ATP8B4: variants seen among roughly 807,000 people sequenced by gnomAD.
The protein encoded by ATP8B4 is ATPase phospholipid transporting 8B4 (putative).
A neutral mutation model predicts 145.6 loss-of-function variants in ATP8B4; 133 were observed. The ratio of observed to expected loss-of-function variants is 0.91; its 90% CI spans 0.79 to 1.05. The LOEUF is 1.05. Ranked by LOEUF, ATP8B4 falls within the 50% of genes least tolerant of loss-of-function variation. The pLI, the probability that ATP8B4 is intolerant of heterozygous loss-of-function variation, is 0.00. For missense variants in ATP8B4, 1,458 were observed against 1,425.2 expected, an observed-to-expected ratio of 1.02 and a Z score of -0.37; for synonymous variants, 507 against 492.9, an observed-to-expected ratio of 1.03 and a Z score of -0.38.
intron 9 of ATP8B4, among the ~76,000 whole-genome samples, chr15:49,988,700 G>A (rs545504870): frequency 3.1e-4 from 47 of 152,236 alleles, no homozygotes; most frequent in African/African-American, 1.1e-3. Flanking sequence ...AGGGGACCAC[G>A]TCAGCCTAGA....
chr15:50,036,649 C>G (rs1401415339), intron 6 of ATP8B4, among the ~76,000 whole-genome samples: 1 of 152,186 alleles, frequency 6.6e-6, no homozygotes, highest in African/African-American at 2.4e-5. Context: ...ACAAGCCCGT[C>G]TTGTAGGTTG....
chr15:50,149,485 C>G (rs1374866353), intron 1 of ATP8B4, among the ~76,000 whole-genome samples: 3 of 152,146 alleles, frequency 2.0e-5, no homozygotes, highest in Non-Finnish European at 4.4e-5. Flanking sequence ...TGAAGCAGAT[C>G]TCTTTGATCA....
chr15:50,032,403 A>G (rs1343506728), intron 6 of ATP8B4, among the ~76,000 whole-genome samples: 1 of 152,148 alleles, frequency 6.6e-6, no homozygotes, highest in Non-Finnish European at 1.5e-5. Context: ...CATGGTGTAT[A>G]TGTGCCATAT....
chr15:49,879,336 A>G, intron 24 of ATP8B4, 40 bp downstream of exon 24: 2 of 1,545,662 alleles, frequency 1.3e-6, no homozygotes, highest in Non-Finnish European at 1.8e-6. Context: ...TAAAAGGCAT[A>G]AAAGAGAAAC....
chr15:50,023,864 A>G (rs2049803035), intron 6 of ATP8B4, among the ~76,000 whole-genome samples: 1 of 151,888 alleles, frequency 6.6e-6, no homozygotes, highest in Admixed American at 6.6e-5. Flanking sequence ...GAGAAAGACT[A>G]ATAAAGAAAA....
chr15:49,931,025 C>A, intron 16 of ATP8B4, 94 bp downstream of exon 16: 2 of 1,346,522 alleles, frequency 1.5e-6, no homozygotes, highest in Non-Finnish European at 2.0e-6. Context: ...ACTATCACAA[C>A]CCTCAGCACA....
intron 23 of ATP8B4, among the ~76,000 whole-genome samples, chr15:49,882,681 C>T (rs144989623): frequency 4.7e-4 from 71 of 152,212 alleles, no homozygotes; most frequent in African/African-American, 1.7e-3. Context: ...AAATCTATTC[C>T]TATGTTGTTT....
chr15:50,076,981 G>A (rs144001869), intron 2 of ATP8B4, among the ~76,000 whole-genome samples: 69 of 152,258 alleles, frequency 4.5e-4, no homozygotes, highest in Middle Eastern at 3.4e-3. Context: ...AAAAAAGGAC[G>A]CTGAAAACAA....
At chr15:50,152,470 G>T (rs1315610693) in intron 1 of ATP8B4, among the ~76,000 whole-genome samples, 1 of 151,970 alleles carries the variant, frequency 6.6e-6, no homozygotes, top group Non-Finnish European at 1.5e-5. Flanking sequence ...ATCACTTATT[G>T]TTTGACAATA....
chr15:49,965,783 C>CT (rs796623482), intron 13 of ATP8B4, among the ~76,000 whole-genome samples: 50 of 152,214 alleles, frequency 3.3e-4, no homozygotes, highest in African/African-American at 1.2e-3. Context: ...GGATATGGTT[C>CT]TATTCAGCAC....
At chr15:50,094,483 T>G (rs1315150247) in intron 2 of ATP8B4, among the ~76,000 whole-genome samples, 1 of 151,612 alleles carries the variant, frequency 6.6e-6, no homozygotes, top group Non-Finnish European at 1.5e-5. Context: ...ATAATATAAA[T>G]GAATATATAT....
chr15:49,950,715 TGTTA>T (rs2043028322), intron 14 of ATP8B4, among the ~76,000 whole-genome samples: 1 of 152,080 alleles, frequency 6.6e-6, no homozygotes, highest in East Asian at 1.9e-4. Context: ...TCTTCCATGC[TGTTA>T]GTTATTTCTT....
At chr15:50,105,930 GA>G (rs56672461) in intron 2 of ATP8B4, among the ~76,000 whole-genome samples, 152,149 of 152,150 alleles carry the variant, frequency 1, 76,074 homozygotes, top group Non-Finnish European at 1. Context: ...CATTTTACAG[GA>G]AAAAAAATGG....
At chr15:50,115,709 A>T (rs2057141880) in intron 1 of ATP8B4, among the ~76,000 whole-genome samples, 1 of 152,100 alleles carries the variant, frequency 6.6e-6, no homozygotes. Flanking sequence ...GATCATCTTC[A>T]TCATTGTCCT....
chr15:50,104,068 T>C (rs1428723627), intron 2 of ATP8B4, among the ~76,000 whole-genome samples: 1 of 152,142 alleles, frequency 6.6e-6, no homozygotes, highest in Non-Finnish European at 1.5e-5. Context: ...TCTCACCTTA[T>C]ACAAAAATCA....
At chr15:49,928,094 T>C (rs528216000) in intron 16 of ATP8B4, among the ~76,000 whole-genome samples, 1 of 152,304 alleles carries the variant, frequency 6.6e-6, no homozygotes, top group South Asian at 2.1e-4. Flanking sequence ...ACTTATCATG[T>C]GCCAAGCTCT....
chr15:50,061,247 TG>T (rs1323806202), intron 3 of ATP8B4, among the ~76,000 whole-genome samples: 1 of 152,030 alleles, frequency 6.6e-6, no homozygotes, highest in Non-Finnish European at 1.5e-5. Flanking sequence ...ATTTAAGCTC[TG>T]GCAAATAAAA....
At chr15:50,026,175 T>C (rs1049522964) in intron 6 of ATP8B4, among the ~76,000 whole-genome samples, 1 of 152,212 alleles carries the variant, frequency 6.6e-6, no homozygotes, top group African/African-American at 2.4e-5. Context: ...CAATATTCCA[T>C]TTGCTGTTAA....
intron 6 of ATP8B4, among the ~76,000 whole-genome samples, chr15:50,036,487 C>A (rs2050844659): frequency 6.6e-6 from 1 of 152,194 alleles, no homozygotes; most frequent in African/African-American, 2.4e-5. Flanking sequence ...GAGATCTGGG[C>A]AGAACCCCAA....
Sources: allele counts gnomAD v4.1 joint callset (sites outside exome capture counted in the v4.1 genomes callset), GRCh38; gene constraint gnomAD v4.1.1; transcripts MANE v1.5; gene names NCBI Gene and HGNC (gene_info 2026-07-23, HGNC 2026-07-21).